Variants in CLYBL observed in about 807,000 individuals in gnomAD.
CLYBL encodes citramalyl-CoA lyase, also known as citramalyl-CoA lyase, mitochondrial.
A neutral mutation model predicts 38.9 loss-of-function variants in CLYBL; 31 were observed. The observed-to-expected ratio is 0.80, with a 90% CI of 0.60 to 1.08. The LOEUF (loss-of-function observed/expected upper bound fraction) is 1.08. Ranked by LOEUF, CLYBL falls within the 50% of genes least tolerant of loss-of-function variation. CLYBL has a pLI of 0.00. For missense variants in CLYBL, 434 were observed against 411.6 expected, an observed-to-expected ratio of 1.05 and a Z score of -0.47; for synonymous variants, 171 against 158.6, an observed-to-expected ratio of 1.08 and a Z score of -0.59.
intron 2 of CLYBL, among the ~76,000 whole-genome samples, chr13:99,818,350 G>C (rs765289345): frequency 6.6e-6 from 1 of 151,908 alleles, no homozygotes; most frequent in Non-Finnish European, 1.5e-5. Flanking sequence ...CTCCGTCCTC[G>C]GGTTGATTGT....
chr13:99,716,169 A>AGTTTTTTTTTT (rs1361639397), intron 1 of CLYBL, among the ~76,000 whole-genome samples: 3 of 33,434 alleles, frequency 9.0e-5, no homozygotes, highest in African/African-American at 3.0e-4. Flanking sequence ...TATTGGTGTA[A>AGTTTTTTTTTT]TTTTTTTTTT....
chr13:99,908,979 C>CA (rs1478083544), exon 10 of CLYBL, among the ~76,000 whole-genome samples: 1 of 152,074 alleles, frequency 6.6e-6, no homozygotes, highest in African/African-American at 2.4e-5. Context: ...CCAACACAAA[C>CA]AAAAAACAAC....
chr13:99,646,277 G>A (rs1315503995), intron 1 of CLYBL, among the ~76,000 whole-genome samples: 1 of 152,032 alleles, frequency 6.6e-6, no homozygotes, highest in African/African-American at 2.4e-5. Flanking sequence ...CACTCCTTTA[G>A]CCCCTTTTAA....
rs367588039 is a variant in CLYBL at position 99,781,233 on chromosome 13, C to T, written c.249+8223C>T. Among the ~76,000 whole-genome samples the T allele has an allele frequency of 9.3e-5, 14 of 150,068 alleles. No individual in the cohort carries two copies. The South Asian group carries it at 1.1e-3, about 11-fold the overall frequency. ...TCACGCAGGCTGGAGTGCAGTGGTG[C>T]GATCTTGGCTCACTGCTAGCTCCGC... is the stretch of plus-strand genomic sequence containing the variant. On this transcript the variant is annotated intron_variant, in intron 2 of 8. Coordinates refer to ENST00000339105, the MANE Select transcript of CLYBL (RefSeq NM_206808.5).
At chr13:99,713,986 GTGTT>G (rs901943460) in intron 1 of CLYBL, among the ~76,000 whole-genome samples, 13 of 144,024 alleles carry the variant, frequency 9.0e-5, no homozygotes, top group Non-Finnish European at 1.8e-4. Flanking sequence ...GCACCTGGCC[GTGTT>G]TGTTTGTTTG....
chr13:99,777,242 C>T (rs947896731), intron 2 of CLYBL, among the ~76,000 whole-genome samples: 2 of 152,216 alleles, frequency 1.3e-5, no homozygotes, highest in East Asian at 3.9e-4. Flanking sequence ...CTCCTAAAAT[C>T]CAATCTTTTC....
At chr13:99,859,679 C>A (rs1011093526) in intron 3 of CLYBL, among the ~76,000 whole-genome samples, 1 of 152,116 alleles carries the variant, frequency 6.6e-6, no homozygotes, top group African/African-American at 2.4e-5. Flanking sequence ...CAATAAAAAC[C>A]TGAAATGTAA....
At chr13:99,874,450 T>A (rs574718709) in intron 7 of CLYBL, among the ~76,000 whole-genome samples, 1 of 152,312 alleles carries the variant, frequency 6.6e-6, no homozygotes, top group East Asian at 1.9e-4. Flanking sequence ...TGTCTTTTTT[T>A]ATAATAATGG....
At chr13:99,884,867 G>A in intron 7 of CLYBL, 3 of 420,968 alleles carry the variant, frequency 7.1e-6, no homozygotes, top group South Asian at 5.4e-5. Context: ...GCAGGGATGT[G>A]TGACAGCAAA....
chr13:99,764,701 G>A (rs1329922853), intron 1 of CLYBL, among the ~76,000 whole-genome samples: 1 of 151,822 alleles, frequency 6.6e-6, no homozygotes, highest in Non-Finnish European at 1.5e-5. Flanking sequence ...TTGTGAGACA[G>A]CATCTTAATC....
intron 1 of CLYBL, among the ~76,000 whole-genome samples, chr13:99,682,667 G>C (rs1157408468): frequency 6.6e-6 from 1 of 151,888 alleles, no homozygotes; most frequent in African/African-American, 2.4e-5. Flanking sequence ...TATATACTTA[G>C]ACTATACTAC....
intron 1 of CLYBL, among the ~76,000 whole-genome samples, chr13:99,734,662 T>A (rs2048639257): frequency 6.6e-6 from 1 of 152,168 alleles, no homozygotes; most frequent in Non-Finnish European, 1.5e-5. Context: ...CATTTATTTG[T>A]CCATGGCTAC....
chr13:99,723,124 C>G (rs560709813), intron 1 of CLYBL, among the ~76,000 whole-genome samples: 1 of 152,200 alleles, frequency 6.6e-6, no homozygotes, highest in Non-Finnish European at 1.5e-5. Context: ...CAGGGCTGCA[C>G]GTTATCAAGC....
intron 1 of CLYBL, among the ~76,000 whole-genome samples, chr13:99,731,589 C>T (rs2048591815): frequency 6.6e-6 from 1 of 151,544 alleles, no homozygotes; most frequent in Admixed American, 6.6e-5. Context: ...AGACATTGGC[C>T]ACTGTTTAAG....
At chr13:99,907,853 T>G (rs556513000) in intron 9 of CLYBL, among the ~76,000 whole-genome samples, 16 of 152,210 alleles carry the variant, frequency 1.1e-4, no homozygotes, top group African/African-American at 3.9e-4. Context: ...AGACCCTGAA[T>G]AGAGAGCCGC....
chr13:99,863,040 C>A lies in CLYBL; in HGVS notation c.488C>A (p.Pro163Gln). 1 of 1,610,616 alleles carries A rather than the reference C, an allele frequency of 6.2e-7. No homozygotes were observed. The highest frequency in any genetic ancestry group is 8.5e-7 in the Non-Finnish European group (1 of 1,178,468). The change falls in exon 4 of 9, where the codon CCA becomes CAA. Residue 163 changes from proline (P) to glutamine (Q), a missense_variant. Pro to Gln is a moderately conservative substitution (Grantham distance 76). Transcript: ENST00000339105. ...TTAAAAGGCCGAAAACTTGAACAAC[C>A]AATGAATTTAATCCCTTTTGTGGAA... ...FHLKGRKLEQ[P>Q]MNLIPFVETA...
intron 2 of CLYBL, among the ~76,000 whole-genome samples, chr13:99,777,312 CT>C (rs1239888370): frequency 6.6e-6 from 1 of 152,136 alleles, no homozygotes; most frequent in East Asian, 1.9e-4. Flanking sequence ...TGTTCCCAAT[CT>C]ACTTGTCCAA....
At chr13:99,825,912 G>A (rs564273472) in intron 2 of CLYBL, among the ~76,000 whole-genome samples, 153 of 152,256 alleles carry the variant, frequency 1.0e-3, no homozygotes, top group African/African-American at 3.3e-3. Context: ...CCCACCATCC[G>A]CACAAGTTGC....
chr13:99,866,159 C>T lies in CLYBL; in HGVS notation c.635-81C>T, dbSNP rs2051736966. 3.7e-6 allele frequency: 5 copies of T among 1,362,622 alleles called. No homozygotes were observed. The South Asian group carries it at 4.9e-5, about 13-fold the overall frequency. The allele number at this position is 1,362,622 out of a possible 1,614,324, so 84.4% of individuals were successfully genotyped here. A position where few individuals can be genotyped will look rare whatever the true frequency, so the allele number is the denominator to read the frequency against. On this transcript the variant is annotated intron_variant, in intron 5 of 8. Coordinates refer to ENST00000339105, the MANE Select transcript of CLYBL (RefSeq NM_206808.5). ...TTCCAGGGAGGTTTAGATATCTGTA[C>T]AAACTGAGGTTTTATAATAAATATC...
Sources: allele counts gnomAD v4.1 joint callset (sites outside exome capture counted in the v4.1 genomes callset), GRCh38; gene constraint gnomAD v4.1.1; transcripts MANE v1.5; gene names NCBI Gene and HGNC (gene_info 2026-07-23, HGNC 2026-07-21).